The following TTLL5 variants were observed in gnomAD, a reference collection of about 807,000 sequenced individuals.
TTLL5 encodes tubulin tyrosine ligase like 5, also known as tubulin polyglutamylase TTLL5.
Under a neutral mutation model 168.4 loss-of-function variants are expected in TTLL5, and 132 were observed. That is an observed-to-expected ratio of 0.78 (90% confidence interval 0.68 to 0.91). The LOEUF is 0.91. TTLL5 is among the 40% of genes least tolerant of loss of function. TTLL5 has a pLI of 0.00. For missense variants in TTLL5, 1,545 were observed against 1,581.5 expected (o/e 0.98, Z 0.39); for synonymous variants, 546 against 558.6 (o/e 0.98, Z 0.32).
At chr14:75,874,907 CAG>C (rs1298051672) in intron 29 of TTLL5, among the ~76,000 whole-genome samples, 2 of 122,308 alleles carry the variant, frequency 1.6e-5, no homozygotes, top group African/African-American at 6.4e-5. Context: ...GTTTGTGACA[CAG>C]AGAAAAAAAA....
intron 6 of TTLL5, among the ~76,000 whole-genome samples, chr14:75,695,985 A>C (rs1885830269): frequency 6.9e-6 from 1 of 145,404 alleles, no homozygotes; most frequent in African/African-American, 2.6e-5. Flanking sequence ...TCGAATTCCT[A>C]GGCTCATGTA....
rs536836911 is a variant in TTLL5, at chr14:75,900,609, G to A, written c.3741-1533G>A. Among the ~76,000 whole-genome samples the A allele has an allele frequency of 2.0e-5, 3 of 152,246 alleles. No homozygotes were observed. In the East Asian group the frequency reaches 5.8e-4, roughly 29 times the overall value. On this transcript the variant is annotated intron_variant, in intron 30 of 31. Coordinates refer to ENST00000298832, the MANE Select transcript of TTLL5 (RefSeq NM_015072.5). ...GACATTCAGCAAACACTGCCTGACT[G>A]TCCCCACCCCTATCCTATCTCCTTA...
At chr14:75,685,482 A>G (rs1000374773) in intron 5 of TTLL5, among the ~76,000 whole-genome samples, 2 of 152,154 alleles carry the variant, frequency 1.3e-5, no homozygotes, top group Non-Finnish European at 2.9e-5. Flanking sequence ...AAAATCTTAC[A>G]TGCTAGCTTA....
At chr14:75,686,928 T>C (rs1020352032) in intron 5 of TTLL5, among the ~76,000 whole-genome samples, 2 of 152,216 alleles carry the variant, frequency 1.3e-5, no homozygotes, top group Non-Finnish European at 2.9e-5. Context: ...TATAATGATT[T>C]ATAATAGTGA....
chr14:75,807,318 C>T (rs1035527451), intron 27 of TTLL5, among the ~76,000 whole-genome samples: 2 of 152,074 alleles, frequency 1.3e-5, no homozygotes, highest in Admixed American at 6.5e-5. Context: ...TGCGGTGGCA[C>T]GTGCCTGTAG....
At chr14:75,781,714 GGAAGCT>G (rs1265615308) in intron 24 of TTLL5, among the ~76,000 whole-genome samples, 1 of 152,092 alleles carries the variant, frequency 6.6e-6, no homozygotes, top group Non-Finnish European at 1.5e-5. Flanking sequence ...CAGCACTTTG[GGAAGCT>G]GAGGCAGGTG....
chr14:75,942,291 T>C (rs990903798), intron 31 of TTLL5, among the ~76,000 whole-genome samples: 1 of 152,208 alleles, frequency 6.6e-6, no homozygotes, highest in African/African-American at 2.4e-5. Flanking sequence ...CCTTTTGTTG[T>C]TTGTAGAAGC....
At chr14:75,918,630 T>G (rs1327701311) in intron 31 of TTLL5, among the ~76,000 whole-genome samples, 1 of 152,136 alleles carries the variant, frequency 6.6e-6, no homozygotes, top group East Asian at 1.9e-4. Context: ...AGAAAAAAAG[T>G]ACCCTATAAA....
At chr14:75,760,351 A>G (rs1274197047) in intron 18 of TTLL5, among the ~76,000 whole-genome samples, 1 of 152,108 alleles carries the variant, frequency 6.6e-6, no homozygotes, top group African/African-American at 2.4e-5. Context: ...GACCTAAATA[A>G]ATGGAGAGAT....
chr14:75,780,657 G>A (rs1202738354), intron 24 of TTLL5, among the ~76,000 whole-genome samples: 2 of 152,160 alleles, frequency 1.3e-5, no homozygotes, highest in South Asian at 2.1e-4. Context: ...TATGGAAATA[G>A]CCAGGAAGAT....
intron 26 of TTLL5, among the ~76,000 whole-genome samples, chr14:75,790,615 G>A (rs1252110621): frequency 1.3e-5 from 2 of 151,624 alleles, no homozygotes; most frequent in African/African-American, 4.8e-5. Context: ...TGGGACTACA[G>A]GCCCATGTCC....
chr14:75,733,792 C>T (rs531267205), intron 13 of TTLL5, among the ~76,000 whole-genome samples, 197 bp from the exon 14 acceptor site: 27 of 152,230 alleles, frequency 1.8e-4, no homozygotes, highest in Admixed American at 5.2e-4. Context: ...TTACAGAGGA[C>T]GAATTTAACA....
chr14:75,932,023 T>TA (rs2034293176), intron 31 of TTLL5, among the ~76,000 whole-genome samples: 1 of 152,216 alleles, frequency 6.6e-6, no homozygotes, highest in South Asian at 2.1e-4. Context: ...AATACATAAA[T>TA]ATGGGATAAA....
intron 2 of TTLL5, among the ~76,000 whole-genome samples, chr14:75,666,867 T>C (rs1883299456): frequency 6.6e-6 from 1 of 152,248 alleles, no homozygotes; most frequent in Non-Finnish European, 1.5e-5. Flanking sequence ...AAGTGAATCA[T>C]AAAACTGATC....
intron 7 of TTLL5, among the ~76,000 whole-genome samples, chr14:75,699,959 G>C (rs1280744440): frequency 6.6e-6 from 1 of 152,064 alleles, no homozygotes; most frequent in African/African-American, 2.4e-5. Context: ...TTAATTCCCA[G>C]TTTGGCATTT....
At chr14:75,726,058 C>G (rs1268814204) in intron 12 of TTLL5, among the ~76,000 whole-genome samples, 1 of 152,202 alleles carries the variant, frequency 6.6e-6, no homozygotes, top group African/African-American at 2.4e-5. Context: ...TCAGCACTTT[C>G]CATTGCCTCA....
chr14:75,767,245 C>T (rs997535078), intron 20 of TTLL5, among the ~76,000 whole-genome samples: 1 of 152,048 alleles, frequency 6.6e-6, no homozygotes, highest in African/African-American at 2.4e-5. Flanking sequence ...TGAGCACCTG[C>T]CCTATGCCAG....
intron 31 of TTLL5, among the ~76,000 whole-genome samples, chr14:75,916,231 A>G (rs1215239789): frequency 6.6e-6 from 1 of 151,452 alleles, no homozygotes; most frequent in Admixed American, 6.6e-5. Context: ...AGGGAGGACT[A>G]AAAACTAACA....
intron 27 of TTLL5, among the ~76,000 whole-genome samples, chr14:75,818,118 G>A (rs1364524504): frequency 4.6e-5 from 7 of 151,998 alleles, no homozygotes; most frequent in African/African-American, 1.7e-4. Flanking sequence ...GATTATAGGC[G>A]TGAGCCACCG....
Sources: allele counts gnomAD v4.1 joint callset (sites outside exome capture counted in the v4.1 genomes callset), GRCh38; gene constraint gnomAD v4.1.1; transcripts MANE v1.5; gene names NCBI Gene and HGNC (gene_info 2026-07-23, HGNC 2026-07-21).